Variants in ABTB1 observed in about 807,000 individuals in gnomAD.
The protein encoded by ABTB1 is ankyrin repeat and BTB domain containing 1, also known as ankyrin repeat and BTB/POZ domain-containing protein 1.
A neutral mutation model predicts 57.1 loss-of-function variants in ABTB1; 45 were observed. That is an observed-to-expected ratio of 0.79 (90% CI 0.62 to 1.01). The LOEUF is 1.01. Ranked by LOEUF, ABTB1 falls within the 50% of genes least tolerant of loss-of-function variation. ABTB1 has a pLI of 0.00. For synonymous variants in ABTB1, 302 were observed against 275.4 expected, an observed-to-expected ratio of 1.10 and a Z score of -0.95; for missense variants, 630 against 666.3, an observed-to-expected ratio of 0.95 and a Z score of 0.60.
chr3:127,674,741 T>C (rs2074938381), intron 3 of ABTB1, 141 bp downstream of exon 3: 2 of 1,028,760 alleles, frequency 1.9e-6, no homozygotes, highest in Non-Finnish European at 2.9e-6. Context: ...CCCAGTCGAA[T>C]CAGCAAGTAC....
chr3:127,679,951 T>G (rs950679678), intron 10 of ABTB1, 34 bp from the exon 11 acceptor site: 30 of 1,608,184 alleles, frequency 1.9e-5, no homozygotes, highest in Non-Finnish European at 2.0e-5. Flanking sequence ...CTTGGTGACC[T>G]CGGGGGGCAC....
intron 2 of ABTB1, 26 bp from the exon 3 acceptor site, chr3:127,674,519 C>T (rs1008102184): frequency 7.4e-6 from 12 of 1,614,042 alleles, no homozygotes; most frequent in Non-Finnish European, 1.0e-5. Context: ...TGAGGACTGC[C>T]TCCTGTACTT....
chr3:127,677,750 G>C lies in ABTB1; in HGVS notation c.936G>C (p.Ala312=). The change falls in exon 10 of 12, where the codon GCG becomes GCC. Residue 312 remains alanine (A), a synonymous_variant. Coordinates refer to ENST00000232744, the MANE Select transcript of ABTB1 (RefSeq NM_172027.3). ...ACTTCCGAGAGAGCGAGGAGCCAGCGACCTCAGGGGGCCCCCCAGCCGTCA... is the reference window on the plus strand; with the variant it reads ...ACTTCCGAGAGAGCGAGGAGCCAGCCACCTCAGGGGGCCCCCCAGCCGTCA... ...DDHFRESEEP[A]TSGGPPAVTL... The C allele has an allele frequency of 1.2e-6, 2 of 1,611,324 alleles. No homozygotes were observed. Among genetic ancestry groups the C allele is most frequent in the Non-Finnish European group, 1.7e-6 (2 of 1,179,008 alleles).
intron 10 of ABTB1, 90 bp from the exon 11 acceptor site, chr3:127,679,895 C>G (rs2075086147): frequency 2.9e-6 from 4 of 1,382,388 alleles, no homozygotes; most frequent in East Asian, 2.3e-5. Context: ...GCCAGTGCCC[C>G]CCAACCACCA....
intron 10 of ABTB1, chr3:127,678,329 C>T (rs998501653): frequency 1.1e-4 from 18 of 162,922 alleles, no homozygotes; most frequent in African/African-American, 3.8e-4. Flanking sequence ...CGTGCGCGTG[C>T]GCGCGCACTA....
At chr3:127,679,365 G>A in intron 10 of ABTB1, 1 of 359,048 alleles carries the variant, frequency 2.8e-6, no homozygotes, top group Non-Finnish European at 5.6e-6. Flanking sequence ...AGCTCCCCTT[G>A]TCTCTGTCTG....
Position 127,674,618 on chromosome 3 carries a change from G to T in ABTB1, c.175+18G>T. 3 of 1,614,128 alleles carry T rather than the reference G, an allele frequency of 1.9e-6. No homozygotes were observed. Among genetic ancestry groups the T allele is most frequent in the Non-Finnish European group, 2.5e-6 (3 of 1,180,000 alleles). ...GGCCAATGGTGAGAGCAGGGAGCCC[G>T]GCTCACGGGTGTGCGTGGGTGCATG... On this transcript the variant is annotated intron_variant, in intron 3 of 11. Transcript: ENST00000232744.
In ABTB1 at chr3:127,676,717, C is replaced by G. The variant is rs1052734393; in HGVS notation, c.526+136C>G. 3.4e-6 allele frequency: 4 copies of G among 1,191,486 alleles called. No homozygotes were observed. Among genetic ancestry groups the G allele is most frequent in the African/African-American group, 3.0e-5 (2 of 65,880 alleles). The allele number at this position is 1,191,486 out of a possible 1,614,324, so 73.8% of individuals were successfully genotyped here. ...CCCCGGGGTGGTTCCAGCTGCCTCT[C>G]GGGTTGGGTTGCAAGAGAGAGGACT... On this transcript the variant is annotated intron_variant, in intron 6 of 11. Coordinates refer to ENST00000232744, the MANE Select transcript of ABTB1 (RefSeq NM_172027.3). The surrounding 1 kb of genome is among the most constrained non-coding windows in gnomAD (Gnocchi z 5.4).
chr3:127,676,974 G>T lies in ABTB1; in HGVS notation c.534G>T (p.Leu178=). The T allele has an allele frequency of 6.2e-7, 1 of 1,613,488 alleles. No individual in the cohort carries two copies. Among genetic ancestry groups the T allele is most frequent in the South Asian group, 1.1e-5 (1 of 91,014 alleles). ...ALLQYLYTGR[L]DIGVEHVSDC... is the part of the protein sequence containing the mutation. ...CCTCCCCACTGCCCCCAGGCCGCCTGGACATTGGCGTAGAGCATGTGAGTG... is the reference window on the plus strand; with the variant it reads ...CCTCCCCACTGCCCCCAGGCCGCCTTGACATTGGCGTAGAGCATGTGAGTG... The change falls in exon 7 of 12, where the codon CTG becomes CTT. Residue 178 remains leucine (L), a synonymous_variant. Coordinates refer to ENST00000232744, the MANE Select transcript of ABTB1 (RefSeq NM_172027.3). This position sits in a 1 kb window ranked among gnomAD's most constrained non-coding sequence, Gnocchi z 5.4.
At chr3:127,674,731 C>T in intron 3 of ABTB1, 131 bp downstream of exon 3, 2 of 1,123,434 alleles carry the variant, frequency 1.8e-6, no homozygotes, top group Middle Eastern at 2.8e-4. Flanking sequence ...TCTCTTACCA[C>T]CCAGTCGAAT....
intron 3 of ABTB1, among the ~76,000 whole-genome samples, 193 bp downstream of exon 3, chr3:127,674,793 C>T (rs1195833258): frequency 6.6e-6 from 1 of 152,240 alleles, no homozygotes; most frequent in African/African-American, 2.4e-5. Context: ...CCACCTTGCC[C>T]ATCTCTACTT....
At chr3:127,675,168 C>A (rs554932967) in intron 3 of ABTB1, among the ~76,000 whole-genome samples, 1 of 152,316 alleles carries the variant, frequency 6.6e-6, no homozygotes, top group East Asian at 1.9e-4. Flanking sequence ...GCCCACTCCC[C>A]CTTCATTCAG....
At chr3:127,675,938 C>G (rs2107554371) in intron 3 of ABTB1, 32 bp from the exon 4 acceptor site, 1 of 1,590,938 alleles carries the variant, frequency 6.3e-7, no homozygotes, top group East Asian at 2.3e-5. Flanking sequence ...CAGGCCCCTT[C>G]CCTGCTAACT....
rs372256421 is a variant in ABTB1, at chr3:127,674,462, T to C, written c.119+9T>C. On this transcript the variant is annotated intron_variant, in intron 2 of 11. Transcript: ENST00000232744. Reference sequence around the variant, plus strand: ...TGGGACAGCACCCCCTTGTGAGTGCTGGAGAGAGGGGTGGGGAGGGTGGGG... The same window carrying C: ...TGGGACAGCACCCCCTTGTGAGTGCCGGAGAGAGGGGTGGGGAGGGTGGGG... 2 of 926,200 alleles carry C rather than the reference T, an allele frequency of 2.2e-6. No homozygotes were observed. The highest frequency in any genetic ancestry group is 4.4e-5 in the East Asian group (1 of 22,724). The allele number at this position is 926,200 out of a possible 1,614,324, so 57.4% of individuals were successfully genotyped here.
In ABTB1 at chr3:127,680,370, C is replaced by T. The variant is rs1462215348; in HGVS notation, c.1332C>T (p.Arg444=). 1 of 1,608,560 alleles carries T rather than the reference C, an allele frequency of 6.2e-7. No individual in the cohort carries two copies. Among genetic ancestry groups the T allele is most frequent in the East Asian group, 2.2e-5 (1 of 44,594 alleles). ...TDSIPLVDDI[R]FHVASTVQTY... ...CTATCCCGCTGGTGGACGACATCCGCTTCCACGTGGCCAGCACGGTGCAGA... is the reference window on the plus strand; with the variant it reads ...CTATCCCGCTGGTGGACGACATCCGTTTCCACGTGGCCAGCACGGTGCAGA... Residue 444 remains arginine (R), a synonymous_variant, in exon 12 of 12, where the codon CGC becomes CGT. Coordinates refer to ENST00000232744, the MANE Select transcript of ABTB1 (RefSeq NM_172027.3).
Position 127,677,583 on chromosome 3 carries a change from G to T in ABTB1, c.861+20G>T. On this transcript the variant is annotated intron_variant, in intron 9 of 11. Transcript: ENST00000232744. ...CACAAGGTGCCTGTGCCCTCCTGTT[G>T]CCCCTGGCCCCAGCCCGTTGCCCTG... The T allele has an allele frequency of 6.2e-7, 1 of 1,613,640 alleles. No individual in the cohort carries two copies.
chr3:127,675,173 A>G (rs999037779), intron 3 of ABTB1, among the ~76,000 whole-genome samples: 1 of 150,752 alleles, frequency 6.6e-6, no homozygotes, highest in Non-Finnish European at 1.5e-5. Flanking sequence ...CTCCCCCTTC[A>G]TTCAGGTCTC....
chr3:127,673,236 C>A (rs1250352373), intron 1 of ABTB1, 155 bp downstream of exon 1: 2 of 680,116 alleles, frequency 2.9e-6, no homozygotes, highest in Non-Finnish European at 4.1e-6. Flanking sequence ...CACCCGGACC[C>A]CCGCCGCAGC....
intron 10 of ABTB1, chr3:127,678,827 C>G (rs2075054482): frequency 6.6e-6 from 1 of 152,290 alleles, no homozygotes; most frequent in Non-Finnish European, 1.5e-5. Context: ...GAACTTCGTG[C>G]CTACCTGCCA....
Sources: gnomAD v4.1 joint callset for allele counts (sites outside exome capture counted in the v4.1 genomes callset) on GRCh38, gnomAD v4.1.1 for gene constraint, Gnocchi (gnomAD v3.1) non-coding constraint, MANE v1.5 for transcripts, NCBI Gene and HGNC (gene_info 2026-07-23, HGNC 2026-07-21) for gene names.